Variants in TMEM62 observed in about 807,000 individuals in gnomAD.
The protein encoded by TMEM62 is transmembrane protein 62.
TMEM62 carries 41 observed loss-of-function variants against 70.4 expected under a neutral mutation model. The ratio of observed to expected loss-of-function variants is 0.58; its 90% CI spans 0.45 to 0.76. TMEM62 has a LOEUF of 0.76. TMEM62 is among the 30% of genes least tolerant of loss of function. TMEM62 has a pLI of 0.00. For synonymous variants in TMEM62, 268 were observed against 291.0 expected (o/e 0.92, Z 0.80); for missense variants, 688 against 788.5 (o/e 0.87, Z 1.53).
At chr15:43,142,452 C>T (rs998933517) in intron 4 of TMEM62, among the ~76,000 whole-genome samples, 7 of 151,824 alleles carry the variant, frequency 4.6e-5, no homozygotes, top group East Asian at 3.9e-4. Context: ...GGTGAGCCAC[C>T]GCGCCCGGCC....
intron 3 of TMEM62, among the ~76,000 whole-genome samples, chr15:43,137,972 A>G (rs1262711641): frequency 1.3e-5 from 2 of 152,042 alleles, no homozygotes; most frequent in Admixed American, 1.3e-4. Flanking sequence ...TTTAGTCCCA[A>G]CTCCAGCCCT....
intron 9 of TMEM62, among the ~76,000 whole-genome samples, chr15:43,159,101 T>C (rs1276029389): frequency 6.6e-6 from 1 of 152,202 alleles, no homozygotes; most frequent in African/African-American, 2.4e-5. Context: ...TTTTTTAAAG[T>C]TTTACTTTTT....
Position 43,133,960 on chromosome 15 carries a change from G to T in TMEM62, c.158G>T (p.Ser53Ile). The change falls in exon 1 of 14, where the codon AGC (serine) becomes ATC (isoleucine). Residue 53 changes from serine (S) to isoleucine (I), a missense_variant. Coordinates refer to ENST00000260403, the MANE Select transcript of TMEM62 (RefSeq NM_024956.4). ...CACCCTGCGCCAGGGCCCGGAGACA[G>T]CAACATCTTCTGGGGCCTGCAGGTG... ...RPHPAPGPGD[S>I]NIFWGLQISD... 6.8e-7 allele frequency: 1 copy of T among 1,462,042 alleles called. No homozygotes were observed. The highest frequency in any genetic ancestry group is 2.7e-5 in the Admixed American group (1 of 37,494). The allele number at this position is 1,462,042 out of a possible 1,614,324, so 90.6% of individuals were successfully genotyped here.
rs2040222862 is a variant in TMEM62 at position 43,171,736 on chromosome 15, TC to T, written c.1381+2061del. Among the ~76,000 whole-genome samples the T allele has an allele frequency of 2.0e-5, 3 of 150,800 alleles. No individual in the cohort carries two copies. The South Asian group carries it at 6.4e-4, about 32-fold the overall frequency. On this transcript the variant is annotated intron_variant, in intron 11 of 13. Coordinates refer to ENST00000260403, the MANE Select transcript of TMEM62 (RefSeq NM_024956.4). Reference sequence around the variant, plus strand: ...TCTGCCTCCTGGGTTCATGCCATTCTCCTGCCTCAGCCTCCCAAGTAGATGG... The same window carrying T: ...TCTGCCTCCTGGGTTCATGCCATTCTCTGCCTCAGCCTCCCAAGTAGATGG...
At chr15:43,168,428 C>T (rs2039826760) in intron 10 of TMEM62, among the ~76,000 whole-genome samples, 1 of 152,072 alleles carries the variant, frequency 6.6e-6, no homozygotes, top group Non-Finnish European at 1.5e-5. Context: ...CTTTAGTCAG[C>T]AGATGGTGAA....
chr15:43,157,352 T>C (rs1323346176), intron 9 of TMEM62, among the ~76,000 whole-genome samples: 1 of 152,136 alleles, frequency 6.6e-6, no homozygotes, highest in Non-Finnish European at 1.5e-5. Context: ...AAAGTATGAG[T>C]ATCTGTAGTT....
chr15:43,150,404 T>C (rs1284574676), intron 7 of TMEM62, among the ~76,000 whole-genome samples: 1 of 152,208 alleles, frequency 6.6e-6, no homozygotes, highest in African/African-American at 2.4e-5. Context: ...AGGCATTTCC[T>C]TTCTCTCTCC....
At position 43,166,023 on chromosome 15, in the gene TMEM62, C is replaced by T. The variant is rs541613254; in HGVS notation, c.1297-3570C>T. 2.6e-5 allele frequency among the ~76,000 whole-genome samples: 4 copies of T among 152,282 alleles called. No homozygotes were observed. In the East Asian group the frequency reaches 7.7e-4, roughly 29 times the overall value. ...TGAAGAGTTAGGTATTTATTCTAAT[C>T]TTTGTAGTCTGGGCTTGTTTGTACT... On this transcript the variant is annotated intron_variant, in intron 10 of 13. Transcript: ENST00000260403.
At chr15:43,156,033 TAAAC>T (rs1256255604) in intron 9 of TMEM62, among the ~76,000 whole-genome samples, 11 of 149,832 alleles carry the variant, frequency 7.3e-5, no homozygotes, top group Admixed American at 6.6e-4. Context: ...ATTAGTTTCT[TAAAC>T]ACACACACAC....
intron 4 of TMEM62, among the ~76,000 whole-genome samples, chr15:43,145,388 G>T (rs1415002412): frequency 6.6e-6 from 1 of 151,858 alleles, no homozygotes. Flanking sequence ...TGTATTTTTA[G>T]TAGAGATGGG....
chr15:43,142,548 C>A (rs185727961), intron 4 of TMEM62, among the ~76,000 whole-genome samples: 3 of 152,270 alleles, frequency 2.0e-5, no homozygotes, highest in African/African-American at 7.2e-5. Context: ...GCCACCCCAA[C>A]CACCACCCTG....
chr15:43,165,747 A>G (rs896159903), intron 10 of TMEM62, among the ~76,000 whole-genome samples: 26 of 151,768 alleles, frequency 1.7e-4, no homozygotes, highest in Admixed American at 1.1e-3. Context: ...AAAAAATAAA[A>G]TAAATTAAAT....
At chr15:43,175,160 A>C (rs758794514) in intron 11 of TMEM62, among the ~76,000 whole-genome samples, 9 of 152,214 alleles carry the variant, frequency 5.9e-5, no homozygotes, top group Non-Finnish European at 1.0e-4. Flanking sequence ...GGATTTTTTA[A>C]AATAATAAAT....
intron 4 of TMEM62, among the ~76,000 whole-genome samples, chr15:43,145,874 C>T (rs1205462298): frequency 6.6e-6 from 1 of 152,154 alleles, no homozygotes; most frequent in Non-Finnish European, 1.5e-5. Context: ...TGTTACTCAT[C>T]CTTTCTTCCT....
intron 12 of TMEM62, 165 bp from the exon 13 acceptor site, chr15:43,181,016 C>A (rs1195427021): frequency 6.6e-6 from 4 of 603,654 alleles, no homozygotes; most frequent in Non-Finnish European, 1.2e-5. Context: ...GCAAGGATAT[C>A]AAGTACAACA....
At chr15:43,169,452 G>C in intron 10 of TMEM62, 141 bp from the exon 11 acceptor site, 1 of 657,650 alleles carries the variant, frequency 1.5e-6, no homozygotes. Context: ...CTGACCAGTG[G>C]GGACAAAGAC....
intron 12 of TMEM62, among the ~76,000 whole-genome samples, chr15:43,180,227 A>G (rs1027639052): frequency 3.3e-5 from 5 of 152,104 alleles, no homozygotes; most frequent in African/African-American, 1.2e-4. Context: ...GGTTCAAACA[A>G]TTCTCCTACC....
chr15:43,184,096 A>G, intron 13 of TMEM62, 164 bp from the exon 14 acceptor site: 1 of 634,708 alleles, frequency 1.6e-6, no homozygotes, highest in Non-Finnish European at 2.8e-6. Flanking sequence ...CAAATACACA[A>G]CTAGCCACAA....
rs1161324336 is a variant in TMEM62 at position 43,184,884 on chromosome 15, T to C, written c.*298T>C. ...GGACATCCACAGGGTAGAGGTTGGGTGTGTGTACGGGAGTGTCTGAGGCCC... is the reference window on the plus strand; with the variant it reads ...GGACATCCACAGGGTAGAGGTTGGGCGTGTGTACGGGAGTGTCTGAGGCCC... On this transcript the variant is annotated 3_prime_UTR_variant, in exon 14 of 14. Coordinates refer to ENST00000260403, the MANE Select transcript of TMEM62 (RefSeq NM_024956.4). 2 of 442,070 alleles carry C rather than the reference T, an allele frequency of 4.5e-6. No homozygotes were observed. The highest frequency in any genetic ancestry group is 2.9e-5 in the South Asian group (1 of 33,930). The allele number at this position is 442,070 out of a possible 1,614,324, so 27.4% of individuals were successfully genotyped here. A position where few individuals can be genotyped will look rare whatever the true frequency, so the allele number is the denominator to read the frequency against.
Sources: gnomAD v4.1 joint callset for allele counts (sites outside exome capture counted in the v4.1 genomes callset) on GRCh38, gnomAD v4.1.1 for gene constraint, MANE v1.5 for transcripts, NCBI Gene and HGNC (gene_info 2026-07-23, HGNC 2026-07-21) for gene names.